The following DMXL1 variants were observed in gnomAD, a reference collection of about 807,000 sequenced individuals.
DMXL1 encodes the protein Dmx like 1, also known as dmX-like protein 1.
In DMXL1, 99 loss-of-function variants were observed where a neutral mutation model predicts 319.2. The ratio of observed to expected loss-of-function variants is 0.31; its 90% CI spans 0.26 to 0.37. The LOEUF (loss-of-function observed/expected upper bound fraction) is 0.37, where lower values mean the gene tolerates loss of function less well. Ranked by LOEUF, DMXL1 falls within the 10% of genes least tolerant of loss-of-function variation. The probability of loss-of-function intolerance (pLI) is 1.00; values close to 1 mark genes in which losing one functional copy is unlikely to be tolerated. For missense variants in DMXL1, 3,745 were observed against 3,595.6 expected (o/e 1.04, Z -1.06); for synonymous variants, 1,385 against 1,235.2 (o/e 1.12, Z -2.54).
Position 119,134,006 on chromosome 5 carries a change from A to C in DMXL1, c.2082A>C (p.Ala694=), listed in dbSNP as rs751367808. ...AAAATAAAAGCACTGTTGACGTGGC[A>C]TTTCAGGATCCCAGTGCAGTTTACA... ...TQQNKSTVDV[A]FQDPSAVYSE... Residue 694 remains alanine, a synonymous_variant, in exon 12 of 44, where the codon GCA becomes GCC. Coordinates refer to ENST00000539542, the MANE Select transcript of DMXL1 (RefSeq NM_001290321.3). 6.2e-7 allele frequency: 1 copy of C among 1,614,206 alleles called. No homozygotes were observed. The highest frequency in any genetic ancestry group is 1.1e-5 in the South Asian group (1 of 91,084).
At chr5:119,219,826 C>A (rs1221389228) in intron 35 of DMXL1, among the ~76,000 whole-genome samples, 1 of 152,106 alleles carries the variant, frequency 6.6e-6, no homozygotes, top group Non-Finnish European at 1.5e-5. Context: ...CTTCAGCCTC[C>A]TAAAGTGCTA....
At chr5:119,200,015 C>A (rs1355921071) in intron 32 of DMXL1, among the ~76,000 whole-genome samples, 1 of 152,030 alleles carries the variant, frequency 6.6e-6, no homozygotes, top group Non-Finnish European at 1.5e-5. Flanking sequence ...TCTCCCATTT[C>A]TGTAGGTTGT....
intron 34 of DMXL1, among the ~76,000 whole-genome samples, chr5:119,213,023 A>G (rs1361979877): frequency 1.3e-5 from 2 of 152,186 alleles, no homozygotes; most frequent in Non-Finnish European, 2.9e-5. Flanking sequence ...GCAGCTGAAC[A>G]TGTTTGGAGG....
intron 18 of DMXL1, among the ~76,000 whole-genome samples, chr5:119,151,146 G>C (rs1230246011): frequency 6.6e-6 from 1 of 151,588 alleles, no homozygotes; most frequent in Non-Finnish European, 1.5e-5. Context: ...TTAAAACATT[G>C]AGTTTTTTTT....
chr5:119,238,805 G>A (rs1788225663), intron 40 of DMXL1, 184 bp from the exon 41 acceptor site: 1 of 830,328 alleles, frequency 1.2e-6, no homozygotes, highest in African/African-American at 1.8e-5. Flanking sequence ...TGCTGCATCT[G>A]GGTAAAAGGT....
At chr5:119,155,838 A>AAC (rs1266697856) in intron 19 of DMXL1, among the ~76,000 whole-genome samples, 3 of 151,816 alleles carry the variant, frequency 2.0e-5, no homozygotes, top group South Asian at 4.2e-4. Context: ...AAAAAAAAAA[A>AAC]AAAAAACAAA....
In DMXL1 at chr5:119,071,401, G is replaced by T; in HGVS notation, c.-169G>T. On this transcript the variant is annotated 5_prime_UTR_variant, in exon 1 of 44. Coordinates refer to ENST00000539542, the MANE Select transcript of DMXL1 (RefSeq NM_001290321.3). ...CCGGGCCTCGCCCTCCGGGGCTCGG[G>T]ATGAGTCGCGGGCCCCAGCTGAGCG... The T allele has an allele frequency of 7.9e-6, 5 of 631,610 alleles. No homozygotes were observed. The highest frequency in any genetic ancestry group is 1.3e-5 in the Non-Finnish European group (5 of 374,192). The allele number at this position is 631,610 out of a possible 1,614,324, so 39.1% of individuals were successfully genotyped here. A position where few individuals can be genotyped will look rare whatever the true frequency, so the allele number is the denominator to read the frequency against.
At chr5:119,095,496 C>G (rs185206606) in intron 1 of DMXL1, among the ~76,000 whole-genome samples, 108 of 152,288 alleles carry the variant, frequency 7.1e-4, no homozygotes, top group Non-Finnish European at 1.4e-3. Context: ...TGACAAAATA[C>G]TTGCAACGTA....
At chr5:119,125,315 G>A (rs2149994510) in intron 9 of DMXL1, among the ~76,000 whole-genome samples, 1 of 152,236 alleles carries the variant, frequency 6.6e-6, no homozygotes, top group East Asian at 1.9e-4. Context: ...TAGCTTTACA[G>A]TTTTGCCTAG....
In DMXL1 at chr5:119,118,666, G is replaced by T. The variant is rs1245341482; in HGVS notation, c.744-149G>T. 5.7e-6 allele frequency: 3 copies of T among 526,606 alleles called. No homozygotes were observed. In the South Asian group the frequency reaches 1.1e-4, roughly 19 times the overall value. 32.6% of individuals were successfully genotyped at this position (526,606 alleles called of 1,614,324 possible). On this transcript the variant is annotated intron_variant, in intron 7 of 43. Transcript: ENST00000539542. ...AGGCAGAAAAGAAATAGGTTGGCAAGCATTTGCTGTGATGAAATCTGTACA... is the reference window on the plus strand; with the variant it reads ...AGGCAGAAAAGAAATAGGTTGGCAATCATTTGCTGTGATGAAATCTGTACA...
At chr5:119,097,838 T>G (rs1295248204) in intron 1 of DMXL1, 141 bp from the exon 2 acceptor site, 1 of 763,764 alleles carries the variant, frequency 1.3e-6, no homozygotes, top group African/African-American at 1.8e-5. Flanking sequence ...AAATGTAGAT[T>G]TTTTTTTTAA....
At position 119,134,090 on chromosome 5, in the gene DMXL1, T is replaced by C; in HGVS notation, c.2166T>C (p.Val722=). 6.2e-7 allele frequency: 1 copy of C among 1,614,168 alleles called. No individual in the cohort carries two copies. Among genetic ancestry groups the C allele is most frequent in the South Asian group, 1.1e-5 (1 of 91,090 alleles). ...GGCCATTGTCTTTTTCTGGAGGAGT[T>C]TCTGAGCTTGCCCGGATTAATTCTC... ...PVGPLSFSGG[V]SELARINSLH... Residue 722 remains valine (V), a synonymous_variant, in exon 12 of 44, where the codon GTT becomes GTC. Coordinates refer to ENST00000539542, the MANE Select transcript of DMXL1 (RefSeq NM_001290321.3).
intron 42 of DMXL1, among the ~76,000 whole-genome samples, chr5:119,241,615 T>C (rs115069471): frequency 1.9e-3 from 293 of 152,040 alleles, no homozygotes; most frequent in African/African-American, 6.7e-3. Context: ...TTGTGGTGCA[T>C]ATCAAGCAAT....
rs572454836 is a variant in DMXL1 at position 119,106,160 on chromosome 5, A to T, written c.364+902A>T. On this transcript the variant is annotated intron_variant, in intron 4 of 43. Coordinates refer to ENST00000539542, the MANE Select transcript of DMXL1 (RefSeq NM_001290321.3). Reference sequence around the variant, plus strand: ...GCCTTGCTGCTTGCTATCTACTGGAATGCCTTTGTTCTCCTCCACATGGCC... The same window carrying T: ...GCCTTGCTGCTTGCTATCTACTGGATTGCCTTTGTTCTCCTCCACATGGCC... 4.7e-3 allele frequency among the ~76,000 whole-genome samples: 709 copies of T among 152,276 alleles called. 5 individuals carry two copies. The highest frequency in any genetic ancestry group is 0.016 in the African/African-American group (658 of 41,550).
rs184164647 is a variant in DMXL1 at position 119,125,878 on chromosome 5, A to G, written c.1103-3333A>G. Among the ~76,000 whole-genome samples the G allele has an allele frequency of 2.8e-3, 431 of 152,344 alleles. 4 individuals carry two copies. The highest frequency in any genetic ancestry group is 0.027 in the Middle Eastern group (8 of 294). ...CGCGCCTGGCCAATATATATTTAAA[A>G]AATCCAAAACAAACAAAGGTTGCTA... On this transcript the variant is annotated intron_variant, in intron 9 of 43. Coordinates refer to ENST00000539542, the MANE Select transcript of DMXL1 (RefSeq NM_001290321.3).
intron 33 of DMXL1, among the ~76,000 whole-genome samples, chr5:119,203,781 A>T (rs1248819145): frequency 6.6e-6 from 1 of 152,124 alleles, no homozygotes; most frequent in Non-Finnish European, 1.5e-5. Context: ...ATTGTAACTT[A>T]GAAGTTTAAT....
At chr5:119,241,276 A>G (rs993644027) in intron 42 of DMXL1, among the ~76,000 whole-genome samples, 1 of 152,188 alleles carries the variant, frequency 6.6e-6, no homozygotes, top group African/African-American at 2.4e-5. Context: ...TCATGCCTGT[A>G]ATCCCAGCAC....
intron 38 of DMXL1, among the ~76,000 whole-genome samples, chr5:119,225,784 G>A (rs1166388203): frequency 6.6e-6 from 1 of 151,984 alleles, no homozygotes; most frequent in South Asian, 2.1e-4. Flanking sequence ...AAATTTGTCT[G>A]TTTTCACTAC....
chr5:119,131,456 C>T (rs1764879562), intron 10 of DMXL1, among the ~76,000 whole-genome samples: 1 of 152,102 alleles, frequency 6.6e-6, no homozygotes, highest in Admixed American at 6.6e-5. Context: ...GTTACAAGTC[C>T]ATACACCTAG....
Sources: gnomAD v4.1 joint callset for allele counts (sites outside exome capture counted in the v4.1 genomes callset) on GRCh38, gnomAD v4.1.1 for gene constraint, MANE v1.5 for transcripts, NCBI Gene and HGNC (gene_info 2026-07-23, HGNC 2026-07-21) for gene names.